Variants in AMPH observed in about 807,000 individuals in gnomAD.
AMPH encodes the protein amphiphysin.
Under a neutral mutation model 99.1 loss-of-function variants are expected in AMPH, and 49 were observed. The observed-to-expected ratio is 0.49, with a 90% CI of 0.39 to 0.63. The LOEUF (loss-of-function observed/expected upper bound fraction) is 0.63. Among genes scored for constraint, AMPH ranks in the 20% least tolerant of loss-of-function variants. AMPH has a pLI of 0.00. For missense variants in AMPH, 759 were observed against 863.4 expected, an observed-to-expected ratio of 0.88 and a Z score of 1.52; for synonymous variants, 314 against 317.3, an observed-to-expected ratio of 0.99 and a Z score of 0.11.
intron 11 of AMPH, among the ~76,000 whole-genome samples, chr7:38,440,594 C>T (rs572609433): frequency 2.4e-4 from 36 of 152,030 alleles, no homozygotes; most frequent in South Asian, 4.2e-4. Context: ...AAGTTTAAAA[C>T]GTAGATAAAC....
intron 1 of AMPH, among the ~76,000 whole-genome samples, chr7:38,541,865 A>G (rs1790820540): frequency 6.6e-6 from 1 of 152,184 alleles, no homozygotes; most frequent in South Asian, 2.1e-4. Flanking sequence ...AAAAAAGAAA[A>G]TTTAGTCCCT....
chr7:38,588,359 C>A (rs1792740793), intron 1 of AMPH, among the ~76,000 whole-genome samples: 1 of 152,096 alleles, frequency 6.6e-6, no homozygotes, highest in African/African-American at 2.4e-5. Flanking sequence ...CTCAATAAGC[C>A]ATACATAGTG....
At chr7:38,538,766 C>T (rs1419183883) in intron 1 of AMPH, among the ~76,000 whole-genome samples, 2 of 152,142 alleles carry the variant, frequency 1.3e-5, no homozygotes, top group African/African-American at 4.8e-5. Flanking sequence ...AGATGAAGGA[C>T]AGAACAGAGT....
chr7:38,595,990 C>G (rs916520835), intron 1 of AMPH, among the ~76,000 whole-genome samples: 1 of 152,164 alleles, frequency 6.6e-6, no homozygotes. Context: ...GATTCCATGT[C>G]TTTGCTATTA....
chr7:38,529,728 C>T (rs917218426), intron 2 of AMPH, among the ~76,000 whole-genome samples: 1 of 152,148 alleles, frequency 6.6e-6, no homozygotes, highest in Non-Finnish European at 1.5e-5. Context: ...GGCTATCTCA[C>T]AAGAAGGTCA....
intron 1 of AMPH, among the ~76,000 whole-genome samples, chr7:38,589,667 C>A (rs1168900897): frequency 1.8e-4 from 28 of 152,316 alleles, no homozygotes; most frequent in Non-Finnish European, 1.2e-4. Flanking sequence ...AATTATATCT[C>A]TAAGAATACA....
chr7:38,384,946 T>A, intron 20 of AMPH, 21 bp from the exon 21 acceptor site: 1 of 1,606,556 alleles, frequency 6.2e-7, no homozygotes. Context: ...ATGACAGAAC[T>A]TTCAGGGTCC....
intron 9 of AMPH, 116 bp from the exon 10 acceptor site, chr7:38,463,229 C>T: frequency 7.2e-7 from 1 of 1,396,644 alleles, no homozygotes. Context: ...TGTTGTCCTG[C>T]TCTCCCCTTC....
chr7:38,567,588 T>C (rs1791793054), intron 1 of AMPH, among the ~76,000 whole-genome samples: 1 of 152,176 alleles, frequency 6.6e-6, no homozygotes, highest in South Asian at 2.1e-4. Context: ...ATTATCACAA[T>C]GCATTGCTAT....
chr7:38,550,533 C>T (rs1489389652), intron 1 of AMPH, among the ~76,000 whole-genome samples: 2 of 152,124 alleles, frequency 1.3e-5, no homozygotes, highest in Non-Finnish European at 2.9e-5. Flanking sequence ...TCGCATTTCC[C>T]TCATTCTTTT....
At chr7:38,416,120 T>TATATATATATATATATATATATATAG (rs1785378611) in intron 17 of AMPH, among the ~76,000 whole-genome samples, 1 of 141,720 alleles carries the variant, frequency 7.1e-6, no homozygotes, top group Non-Finnish European at 1.5e-5. Context: ...TATATATATA[T>TATATATATATATATATATATATATAG]ATATATTAGC....
chr7:38,542,054 A>G (rs1790827438), intron 1 of AMPH, among the ~76,000 whole-genome samples: 1 of 152,172 alleles, frequency 6.6e-6, no homozygotes, highest in Admixed American at 6.5e-5. Context: ...TCAAGAGAAA[A>G]AAAAATATTG....
At chr7:38,400,112 G>T (rs1197697821) in intron 17 of AMPH, among the ~76,000 whole-genome samples, 1 of 152,052 alleles carries the variant, frequency 6.6e-6, no homozygotes, top group Non-Finnish European at 1.5e-5. Context: ...TCTCACTCTT[G>T]TTGCCCAGGC....
At chr7:38,574,952 G>A (rs1792178419) in intron 1 of AMPH, among the ~76,000 whole-genome samples, 1 of 151,360 alleles carries the variant, frequency 6.6e-6, no homozygotes, top group Non-Finnish European at 1.5e-5. Context: ...TACTCAGGAG[G>A]CTGAGGCAGG....
At chr7:38,527,252 T>C (rs6462848) in intron 2 of AMPH, among the ~76,000 whole-genome samples, 93,306 of 152,102 alleles carry the variant, frequency 0.61, 29,233 homozygotes, top group African/African-American at 0.75. Flanking sequence ...TGCATTTCCA[T>C]GTAAATTTTA....
intron 2 of AMPH, among the ~76,000 whole-genome samples, chr7:38,519,846 T>C (rs574597729): frequency 2.0e-5 from 3 of 152,282 alleles, no homozygotes; most frequent in Non-Finnish European, 4.4e-5. Flanking sequence ...TGCAGTACTA[T>C]TGACAACAGC....
intron 5 of AMPH, 108 bp from the exon 6 acceptor site, chr7:38,477,077 G>A: frequency 1.2e-6 from 1 of 856,842 alleles, no homozygotes; most frequent in Non-Finnish European, 1.9e-6. Context: ...TGAGGATCTT[G>A]ACTGGAGATC....
At chr7:38,620,548 TAC>T (rs201765719) in intron 1 of AMPH, among the ~76,000 whole-genome samples, 37,249 of 132,596 alleles carry the variant, frequency 0.28, 5,132 homozygotes, top group Non-Finnish European at 0.34. Context: ...TATACATACA[TAC>T]ACACACACAC....
intron 12 of AMPH, among the ~76,000 whole-genome samples, chr7:38,432,726 C>A (rs1786082632): frequency 6.6e-6 from 1 of 152,126 alleles, no homozygotes; most frequent in Non-Finnish European, 1.5e-5. Flanking sequence ...CTTCCCATCT[C>A]ATTCAAGAGG....
Sources: allele counts gnomAD v4.1 joint callset (sites outside exome capture counted in the v4.1 genomes callset), GRCh38; gene constraint gnomAD v4.1.1; transcripts MANE v1.5; gene names NCBI Gene and HGNC (gene_info 2026-07-23, HGNC 2026-07-21).